The following ERMN variants were observed in gnomAD, a reference collection of about 807,000 sequenced individuals.
The protein encoded by ERMN is ermin, ERM-like protein.
In ERMN, 17 loss-of-function variants were observed where a neutral mutation model predicts 21.4. The observed-to-expected ratio is 0.80, with a 90% CI of 0.54 to 1.19. ERMN has a LOEUF of 1.19. ERMN is among the 50% of genes most tolerant of loss of function. The pLI is 0.00. For synonymous variants in ERMN, 115 were observed against 111.9 expected (o/e 1.03, Z -0.17); for missense variants, 348 against 331.6 (o/e 1.05, Z -0.38).
rs1411336481 is a variant in ERMN, at chr2:157,318,687, T to C, written c.*2584A>G. On this transcript the variant is annotated 3_prime_UTR_variant, in exon 3 of 3. Transcript: ENST00000410096. ...TTTAAATTGTGGATAGTTTGGTAGG[T>C]AGGGGGAGAGAGAGATGGTAGCAAA... The C allele has an allele frequency of 6.6e-6, 1 of 152,118 alleles. No individual in the cohort carries two copies. Among genetic ancestry groups the C allele is most frequent in the Non-Finnish European group, 1.5e-5 (1 of 68,010 alleles). 9.4% of individuals were successfully genotyped at this position (152,118 alleles called of 1,614,324 possible). A position where few individuals can be genotyped will look rare whatever the true frequency, so the allele number is the denominator to read the frequency against.
In ERMN at chr2:157,321,263, CAGTT is replaced by C. The variant is rs1470164896; in HGVS notation, c.*4_*7del. 1.2e-6 allele frequency: 2 copies of C among 1,607,286 alleles called. No homozygotes were observed. Among genetic ancestry groups the C allele is most frequent in the Non-Finnish European group, 1.7e-6 (2 of 1,176,096 alleles). On this transcript the variant is annotated 3_prime_UTR_variant, in exon 3 of 3. Transcript: ENST00000410096. Reference sequence around the variant, plus strand: ...AGTGGGCATGAGAATTTCTCAGTTCCAGTTAGTTTATAAATGCATCATAGACTCG... The same window carrying C: ...AGTGGGCATGAGAATTTCTCAGTTCCAGTTTATAAATGCATCATAGACTCG...
Position 157,320,574 on chromosome 2 carries a change from G to A in ERMN, c.*697C>T, listed in dbSNP as rs1346914187. On this transcript the variant is annotated 3_prime_UTR_variant, in exon 3 of 3. Coordinates refer to ENST00000410096, the MANE Select transcript of ERMN (RefSeq NM_020711.3). ...CCCACCAATCTTCTAGCCCCTCCCA[G>A]TGTCAACCTCACAATGGGTTTAATT... 1 of 152,236 alleles carries A rather than the reference G, an allele frequency of 6.6e-6. No individual in the cohort carries two copies. The allele number at this position is 152,236 out of a possible 1,614,324, so 9.4% of individuals were successfully genotyped here.
chr2:157,321,935 G>A, intron 2 of ERMN, 144 bp from the exon 3 acceptor site: 1 of 735,990 alleles, frequency 1.4e-6, no homozygotes, highest in South Asian at 2.1e-5. Flanking sequence ...TTACCAATAT[G>A]TTTTGCACAA....
chr2:157,320,242 C>T lies in ERMN; in HGVS notation c.*1029G>A, dbSNP rs1683849094. 6.6e-6 allele frequency: 1 copy of T among 152,522 alleles called. No homozygotes were observed. The allele number at this position is 152,522 out of a possible 1,614,324, so 9.4% of individuals were successfully genotyped here. ...TGAGGTCCAGTAAATTATATATTCC[C>T]AACAACTATCAGAGCTCTCCCACTA... On this transcript the variant is annotated 3_prime_UTR_variant, in exon 3 of 3. Transcript: ENST00000410096.
At position 157,325,389 on chromosome 2, in the gene ERMN, G is replaced by T. The variant is rs745660815; in HGVS notation, c.241+13C>A. ...TCAAAACAAGAAAATTAAGGAGAAG[G>T]GAAACACTTTACCTTTTAGCATTTT... On this transcript the variant is annotated intron_variant, in intron 1 of 2. Transcript: ENST00000410096. The T allele has an allele frequency of 3.1e-6, 5 of 1,612,182 alleles. No individual in the cohort carries two copies. The African/African-American group carries it at 6.7e-5, about 22-fold the overall frequency.
At chr2:157,322,185 A>G (rs1683927075) in intron 2 of ERMN, among the ~76,000 whole-genome samples, 1 of 152,040 alleles carries the variant, frequency 6.6e-6, no homozygotes, top group East Asian at 1.9e-4. Flanking sequence ...ACAACTGGAT[A>G]CGTGCACATG....
At chr2:157,325,952 C>A (rs967076028), upstream of ERMN, 1 of 1,254,802 alleles carries the variant, frequency 8.0e-7, no homozygotes, top group Admixed American at 3.6e-5. Flanking sequence ...TTTACATAAA[C>A]AAACAATCTG....
chr2:157,319,388 C>A lies in ERMN; in HGVS notation c.*1883G>T, dbSNP rs1189797729. The A allele has an allele frequency of 6.6e-6, 1 of 152,160 alleles. No homozygotes were observed. The highest frequency in any genetic ancestry group is 2.4e-5 in the African/African-American group (1 of 41,442). 9.4% of individuals were successfully genotyped at this position (152,160 alleles called of 1,614,324 possible). A position where few individuals can be genotyped will look rare whatever the true frequency, so the allele number is the denominator to read the frequency against. On this transcript the variant is annotated 3_prime_UTR_variant, in exon 3 of 3. Transcript: ENST00000410096. ...TGCCACATAACCATAGGTCACCCAC[C>A]TCTAGTTCTACAGGAATCCATCATC... is the stretch of plus-strand genomic sequence containing the variant.
chr2:157,325,901 T>G (rs1684059050), upstream of ERMN: 1 of 1,383,594 alleles, frequency 7.2e-7, no homozygotes, highest in African/African-American at 1.4e-5. Context: ...CCTTCTTTGT[T>G]GCTTGCCAGT....
rs1231899894 is a variant in ERMN, at chr2:157,320,367, T to C, written c.*904A>G. Reference sequence around the variant, plus strand: ...TATGACTAGCATTCTCTCAGGTTTCTAAGGAAAGAAAATTATTCTGAGATA... The same window carrying C: ...TATGACTAGCATTCTCTCAGGTTTCCAAGGAAAGAAAATTATTCTGAGATA... On this transcript the variant is annotated 3_prime_UTR_variant, in exon 3 of 3. Coordinates refer to ENST00000410096, the MANE Select transcript of ERMN (RefSeq NM_020711.3). The C allele has an allele frequency of 6.6e-6, 1 of 152,606 alleles. No homozygotes were observed. Among genetic ancestry groups the C allele is most frequent in the Non-Finnish European group, 1.5e-5 (1 of 68,008 alleles). The allele number at this position is 152,606 out of a possible 1,614,324, so 9.5% of individuals were successfully genotyped here. A position where few individuals can be genotyped will look rare whatever the true frequency, so the allele number is the denominator to read the frequency against.
chr2:157,323,665 C>T (rs16841615), intron 2 of ERMN, among the ~76,000 whole-genome samples: 1,547 of 152,238 alleles, frequency 0.01, 18 homozygotes, highest in East Asian at 0.052. Context: ...ATGTGTATGG[C>T]TGCAAGAGAG....
In ERMN at chr2:157,321,168, C is replaced by A. The variant is rs768611423; in HGVS notation, c.*103G>T. The stretch of plus-strand genomic sequence containing the variant: ...TGAAAAAGAGAGTCAACTTCCACCT[C>A]CCTCCAAGTGATAACTCAAATAAGG... On this transcript the variant is annotated 3_prime_UTR_variant, in exon 3 of 3. Coordinates refer to ENST00000410096, the MANE Select transcript of ERMN (RefSeq NM_020711.3). The A allele has an allele frequency of 1.3e-4, 199 of 1,474,548 alleles. No individual in the cohort carries two copies. Among genetic ancestry groups the A allele is most frequent in the Admixed American group, 3.2e-4 (14 of 43,836 alleles). 91.3% of individuals were successfully genotyped at this position (1,474,548 alleles called of 1,614,324 possible).
intron 1 of ERMN, chr2:157,325,099 A>T: frequency 1.9e-6 from 1 of 518,062 alleles, no homozygotes; most frequent in Non-Finnish European, 3.7e-6. Context: ...AATCATAATA[A>T]ATACAGTAGT....
Position 157,325,586 on chromosome 2 carries a change from A to C in ERMN, c.57T>G (p.Pro19=), listed in dbSNP as rs1487265740. ...TAGTGATTGTTTGTTGACCGTTTTC[A>C]GGTGGTTTATCCCCATTACACTCAG... ...TQAECNGDKP[P]ENGQQTITKI... The change falls in exon 1 of 3, where the codon CCT becomes CCG. Residue 19 remains proline, a synonymous_variant. Transcript: ENST00000410096. 6.2e-7 allele frequency: 1 copy of C among 1,614,118 alleles called. No individual in the cohort carries two copies. Among genetic ancestry groups the C allele is most frequent in the Non-Finnish European group, 8.5e-7 (1 of 1,180,012 alleles).
chr2:157,325,714 C>T lies in ERMN; in HGVS notation c.-72G>A, dbSNP rs752329649. 15 of 1,603,686 alleles carry T rather than the reference C, an allele frequency of 9.4e-6. No individual in the cohort carries two copies. Among genetic ancestry groups the T allele is most frequent in the Admixed American group, 1.7e-5 (1 of 59,774 alleles). Reference sequence around the variant, plus strand: ...AGTGAGTAGATCCTTGATAAGATACCTGCTCTTGCCTTCAAGTCCTATAGT... The same window carrying T: ...AGTGAGTAGATCCTTGATAAGATACTTGCTCTTGCCTTCAAGTCCTATAGT... On this transcript the variant is annotated 5_prime_UTR_variant, in exon 1 of 3. Transcript: ENST00000410096.
rs192814777 is a variant in ERMN at position 157,325,371 on chromosome 2, A to C, written c.241+31T>G. On this transcript the variant is annotated intron_variant, in intron 1 of 2. Transcript: ENST00000410096. Reference sequence around the variant, plus strand: ...CCAGGGTAAATTTATAAGTCAAAACAAGAAAATTAAGGAGAAGGGAAACAC... The same window carrying C: ...CCAGGGTAAATTTATAAGTCAAAACCAGAAAATTAAGGAGAAGGGAAACAC... The C allele has an allele frequency of 9.1e-5, 147 of 1,610,532 alleles. No homozygotes were observed. The African/African-American group carries it at 1.8e-3, about 19-fold the overall frequency.
In ERMN at chr2:157,324,680, T is replaced by A. The variant is rs777686071; in HGVS notation, c.324A>T (p.Thr108=). 3.7e-6 allele frequency: 6 copies of A among 1,611,908 alleles called. No homozygotes were observed. Among genetic ancestry groups the A allele is most frequent in the African/African-American group, 1.3e-5 (1 of 74,874 alleles). ...TGTAGTTCTTGTTACCTTCTCTGAA[T>A]GTCATTTCATCAGCACTAGTTTCTT... is the stretch of plus-strand genomic sequence containing the variant. ...SLQETSADEM[T]FREGHQWEKI... Residue 108 remains threonine, a synonymous_variant, in exon 2 of 3, where the codon ACA becomes ACT. Coordinates refer to ENST00000410096, the MANE Select transcript of ERMN (RefSeq NM_020711.3).
Position 157,321,009 on chromosome 2 carries a change from GC to G in ERMN, c.*261del. 2.3e-6 allele frequency: 1 copy of G among 427,940 alleles called. No homozygotes were observed. Among genetic ancestry groups the G allele is most frequent in the South Asian group, 3.4e-5 (1 of 29,088 alleles). The allele number at this position is 427,940 out of a possible 1,614,324, so 26.5% of individuals were successfully genotyped here. On this transcript the variant is annotated 3_prime_UTR_variant, in exon 3 of 3. Transcript: ENST00000410096. ...GCCAGATTCCCCCAGGGGACTGACT[GC>G]TTAGTGCTTATCACACAATGCTATA...
Position 157,321,633 on chromosome 2 carries a change from GT to G in ERMN, c.492del (p.Lys164AsnfsTer40). 6.2e-7 allele frequency: 1 copy of G among 1,614,004 alleles called. No individual in the cohort carries two copies. Among genetic ancestry groups the G allele is most frequent in the Non-Finnish European group, 8.5e-7 (1 of 1,179,986 alleles). On this transcript the variant is annotated frameshift_variant, in exon 3 of 3. Coordinates refer to ENST00000410096, the MANE Select transcript of ERMN (RefSeq NM_020711.3). LOFTEE classifies it high-confidence loss of function. ...AAEIEWLGFR[K>X]PSQADMLHSK... ...GAATGTAACATGTCAGCTTGGCTAG[GT>G]TTTCGAAATCCCAGCCATTCAATTT...
Sources: gnomAD v4.1 joint callset for allele counts (sites outside exome capture counted in the v4.1 genomes callset) on GRCh38, gnomAD v4.1.1 for gene constraint, MANE v1.5 for transcripts, NCBI Gene and HGNC (gene_info 2026-07-23, HGNC 2026-07-21) for gene names.